STARD13: variants seen among roughly 807,000 people sequenced by gnomAD.
The protein encoded by STARD13 is stAR-related lipid transfer protein 13.
STARD13 carries 62 observed loss-of-function variants against 106.4 expected under a neutral mutation model. The ratio of observed to expected loss-of-function variants is 0.58; its 90% CI spans 0.48 to 0.72. STARD13 has a LOEUF of 0.72. Ranked by LOEUF, STARD13 falls within the 30% of genes least tolerant of loss-of-function variation. The probability of loss-of-function intolerance (pLI) is 0.00; values close to 1 mark genes in which losing one functional copy is unlikely to be tolerated. For missense variants in STARD13, 1,387 were observed against 1,424.0 expected, an observed-to-expected ratio of 0.97 and a Z score of 0.42; for synonymous variants, 565 against 553.0, an observed-to-expected ratio of 1.02 and a Z score of -0.31.
chr13:33,473,945 C>G, the STARD13 span, among the ~76,000 whole-genome samples: 160 of 152,244 alleles, frequency 1.1e-3, no homozygotes, highest in African/African-American at 3.5e-3. Flanking sequence ...GAAAGCACCC[C>G]AATTGTTTGA....
At chr13:33,674,061 T>G in the STARD13 span, among the ~76,000 whole-genome samples, 2 of 152,240 alleles carry the variant, frequency 1.3e-5, no homozygotes, top group African/African-American at 4.8e-5. Flanking sequence ...GGTTTCACCA[T>G]GTTGGCCAGG....
At chr13:33,631,785 T>C in the STARD13 span, among the ~76,000 whole-genome samples, 2 of 152,234 alleles carry the variant, frequency 1.3e-5, no homozygotes, top group African/African-American at 4.8e-5. Context: ...AAGCTTCTAG[T>C]ATTCAAAATA....
chr13:33,226,545 C>T (rs1287690480), intron 1 of STARD13, among the ~76,000 whole-genome samples: 1 of 150,688 alleles, frequency 6.6e-6, no homozygotes, highest in Non-Finnish European at 1.5e-5. Context: ...AGTGATTCTG[C>T]TGCCTTGGCC....
At chr13:33,432,486 C>A in the STARD13 span, among the ~76,000 whole-genome samples, 1 of 152,068 alleles carries the variant, frequency 6.6e-6, no homozygotes, top group Non-Finnish European at 1.5e-5. Context: ...ACAAAACAAC[C>A]TAAGCCTATA....
chr13:33,385,246 T>C, the STARD13 span, among the ~76,000 whole-genome samples: 3 of 126,548 alleles, frequency 2.4e-5, no homozygotes, highest in Non-Finnish European at 4.8e-5. Context: ...TATATATATA[T>C]ATATATATAT....
the STARD13 span, among the ~76,000 whole-genome samples, chr13:33,536,657 C>T: frequency 9.2e-5 from 14 of 152,122 alleles, no homozygotes; most frequent in African/African-American, 3.4e-4. Flanking sequence ...ATCTGAAAAG[C>T]AGAATTAAAA....
At chr13:33,118,757 A>AC (rs141499798) in intron 7 of STARD13, among the ~76,000 whole-genome samples, 1 of 152,170 alleles carries the variant, frequency 6.6e-6, no homozygotes, top group Admixed American at 6.5e-5. Flanking sequence ...TCCCAGATAA[A>AC]CAGCCATATC....
chr13:33,403,142 C>T, the STARD13 span, among the ~76,000 whole-genome samples: 1 of 152,370 alleles, frequency 6.6e-6, no homozygotes, highest in African/African-American at 2.4e-5. Flanking sequence ...CCCAGAGTAC[C>T]TGCCCCGGCT....
the STARD13 span, among the ~76,000 whole-genome samples, chr13:33,554,429 C>A: frequency 2.0e-5 from 3 of 152,156 alleles, no homozygotes; most frequent in South Asian, 2.1e-4. Flanking sequence ...AGTTACCTAA[C>A]CTTCCATGCC....
chr13:33,376,474 A>T, the STARD13 span, among the ~76,000 whole-genome samples: 17 of 152,140 alleles, frequency 1.1e-4, no homozygotes, highest in African/African-American at 3.9e-4. Flanking sequence ...ATCAAGAATG[A>T]AGGATTAGCC....
At chr13:33,582,251 G>T in the STARD13 span, among the ~76,000 whole-genome samples, 1 of 151,856 alleles carries the variant, frequency 6.6e-6, no homozygotes, top group Admixed American at 6.6e-5. Flanking sequence ...GATGAAAAAG[G>T]CTAAGTAACT....
the STARD13 span, among the ~76,000 whole-genome samples, chr13:33,620,343 C>T: frequency 4.7e-5 from 7 of 150,174 alleles, no homozygotes; most frequent in South Asian, 1.0e-3. Flanking sequence ...AGTGCAGTGG[C>T]GCTATCTCAG....
chr13:33,434,478 T>C, the STARD13 span, among the ~76,000 whole-genome samples: 8 of 152,084 alleles, frequency 5.3e-5, no homozygotes, highest in Admixed American at 4.6e-4. Flanking sequence ...ACATATAAAG[T>C]GAGGACGATA....
chr13:33,570,279 G>A, the STARD13 span, among the ~76,000 whole-genome samples: 1 of 147,736 alleles, frequency 6.8e-6, no homozygotes, highest in Non-Finnish European at 1.5e-5. Context: ...TCATGTACAA[G>A]TTAGATTATT....
chr13:33,469,165 A>G, the STARD13 span, among the ~76,000 whole-genome samples: 1 of 152,166 alleles, frequency 6.6e-6, no homozygotes. Context: ...GAATAAGACT[A>G]TAAGGAAGAT....
At chr13:33,294,996 C>T (rs1892432524) in intron 1 of STARD13, among the ~76,000 whole-genome samples, 3 of 152,086 alleles carry the variant, frequency 2.0e-5, no homozygotes, top group African/African-American at 7.2e-5. Flanking sequence ...GATTCTGTCT[C>T]CATTCTTATA....
chr13:33,656,232 C>A, the STARD13 span, among the ~76,000 whole-genome samples: 1 of 152,020 alleles, frequency 6.6e-6, no homozygotes, highest in Non-Finnish European at 1.5e-5. Flanking sequence ...TAGAAATAGT[C>A]ATTGGACATA....
intron 1 of STARD13, chr13:33,350,199 C>T (rs996941120): frequency 1.1e-5 from 15 of 1,404,130 alleles, no homozygotes; most frequent in Non-Finnish European, 1.3e-5. Flanking sequence ...TGCCCTGGAG[C>T]CCAGAGCAGA....
chr13:33,177,461 G>T (rs1376490036), intron 1 of STARD13, among the ~76,000 whole-genome samples: 1 of 152,100 alleles, frequency 6.6e-6, no homozygotes, highest in Non-Finnish European at 1.5e-5. Flanking sequence ...TCTATTGTAA[G>T]ATTTTGGTGA....
Sources: allele counts gnomAD v4.1 joint callset (sites outside exome capture counted in the v4.1 genomes callset), GRCh38; gene constraint gnomAD v4.1.1; transcripts MANE v1.5; gene names NCBI Gene and HGNC (gene_info 2026-07-23, HGNC 2026-07-21).